The following UBQLN3 variants were observed in gnomAD, a reference collection of about 807,000 sequenced individuals.
UBQLN3 encodes ubiquilin-3.
UBQLN3 carries 1 observed loss-of-function variant against 2.9 expected under a neutral mutation model. The observed-to-expected ratio is 0.35, with a 90% CI of 0.12 to 1.66. The LOEUF is 1.66. Ranked by LOEUF, UBQLN3 falls within the 40% of genes most tolerant of loss-of-function variation. The probability of loss-of-function intolerance (pLI) is 0.35; values close to 1 mark genes in which losing one functional copy is unlikely to be tolerated. For synonymous variants in UBQLN3, 358 were observed against 317.6 expected (o/e 1.13, Z -1.35); for missense variants, 924 against 816.5 (o/e 1.13, Z -1.61).
Position 5,508,331 on chromosome 11 carries a change from G to C in UBQLN3, c.1228C>G (p.Pro410Ala). 1 of 1,609,308 alleles carries C rather than the reference G, an allele frequency of 6.2e-7. No individual in the cohort carries two copies. Among genetic ancestry groups the C allele is most frequent in the Middle Eastern group, 1.7e-4 (1 of 6,020 alleles). The change falls in exon 2 of 2, where the codon CCA (proline) becomes GCA (alanine). Residue 410 changes from proline (P) to alanine (A), a missense_variant. By Grantham distance (27) the Pro-to-Ala change is conservative (BLOSUM62 -1). Transcript: ENST00000311659. This position sits in a 1 kb window ranked among gnomAD's most constrained non-coding sequence, Gnocchi z 4.2. Reference protein sequence around the residue: ...SVAIKGRSSCPAFLRYPTENS... With the variant: ...SVAIKGRSSCAAFLRYPTENS... ...TCTGTGGGGTATCTCAGGAAAGCTG[G>C]GCAGGAGGACCTTCCCTTGATTGCT...
At chr11:5,509,688 A>G (rs999908820) in intron 1 of UBQLN3, 94 bp from the exon 2 acceptor site, 29 of 1,417,824 alleles carry the variant, frequency 2.0e-5, no homozygotes, top group Middle Eastern at 2.6e-4. Context: ...ATATCAGGAT[A>G]GGGAAATCTG....
chr11:5,507,700 A>AG lies in UBQLN3; in HGVS notation c.1858dup (p.Leu620ProfsTer13). On this transcript the variant is annotated frameshift_variant, in exon 2 of 2. Coordinates refer to ENST00000311659, the MANE Select transcript of UBQLN3 (RefSeq NM_017481.4). LOFTEE classifies it high-confidence loss of function. ...AAAGCCCATGGACCGCAGTTGCTCC[A>AG]GCTGCACCTGAAAGTGAGCCTCAGG... 1 of 1,614,098 alleles carries AG rather than the reference A, an allele frequency of 6.2e-7. No individual in the cohort carries two copies. The highest frequency in any genetic ancestry group is 8.5e-7 in the Non-Finnish European group (1 of 1,180,008).
rs766218337 is a variant in UBQLN3 at position 5,508,787 on chromosome 11, A to G, written c.772T>C (p.Tyr258His). 17 of 1,614,198 alleles carry G rather than the reference A, an allele frequency of 1.1e-5. No homozygotes were observed. Among genetic ancestry groups the G allele is most frequent in the Non-Finnish European group, 1.4e-5 (17 of 1,180,038 alleles). The change falls in exon 2 of 2, where the codon TAC becomes CAC. Residue 258 changes from tyrosine (Y) to histidine (H), a missense_variant. By Grantham distance (83) the Tyr-to-His change is moderately conservative. Coordinates refer to ENST00000311659, the MANE Select transcript of UBQLN3 (RefSeq NM_017481.4). The surrounding 1 kb of genome is among the most constrained non-coding windows in gnomAD (Gnocchi z 4.2). ...PGGYNVLCTM[Y>H]TDIMDPMLNA... ...AGCATTGGGTCCATAATATCTGTGTACATAGTGCAAAGCACATTGTAGCCA... is the reference window on the plus strand; with the variant it reads ...AGCATTGGGTCCATAATATCTGTGTGCATAGTGCAAAGCACATTGTAGCCA...
In UBQLN3 at chr11:5,507,817, G is replaced by A. The variant is rs1219144271; in HGVS notation, c.1742C>T (p.Pro581Leu). 2.5e-6 allele frequency: 4 copies of A among 1,613,888 alleles called. No individual in the cohort carries two copies. The highest frequency in any genetic ancestry group is 1.6e-4 in the Middle Eastern group (1 of 6,084). The part of the protein sequence containing the change: ...PLPNPPPEVF[P>L]ALDSAELGFL... ...GCCCAGCTCTGCAGAGTCCAGTGCT[G>A]GGAACACCTCAGGAGGTGGATTTGG... Residue 581 changes from proline (P) to leucine (L), a missense_variant, in exon 2 of 2, where the codon CCA becomes CTA. Pro to Leu is a moderately conservative substitution (Grantham distance 98). Transcript: ENST00000311659.
rs200265014 is a variant in UBQLN3, at chr11:5,509,089, A to G, written c.470T>C (p.Leu157Pro). ...AGGCACAGACACATGCTGCCGCATC[A>G]GGGAGCTTGGCTGGTCAGGGAAGCC... ...YRGFPDQPSS[L>P]MRQHVSVPEF... Residue 157 changes from leucine (L) to proline (P), a missense_variant, in exon 2 of 2, where the codon CTG (leucine) becomes CCG (proline). By Grantham distance (98) the Leu-to-Pro change is moderately conservative. Transcript: ENST00000311659. 1.9e-5 allele frequency: 30 copies of G among 1,614,162 alleles called. No individual in the cohort carries two copies. The African/African-American group carries it at 3.6e-4, about 19-fold the overall frequency.
Position 5,508,868 on chromosome 11 carries a change from G to C in UBQLN3, c.691C>G (p.Gln231Glu). 1.2e-6 allele frequency: 2 copies of C among 1,614,184 alleles called. No individual in the cohort carries two copies. The highest frequency in any genetic ancestry group is 1.7e-6 in the Non-Finnish European group (2 of 1,180,040). The change falls in exon 2 of 2, where the codon CAG (glutamine) becomes GAG (glutamate). Residue 231 changes from glutamine to glutamate, a missense_variant. Transcript: ENST00000311659. The surrounding 1 kb of genome is among the most constrained non-coding windows in gnomAD (Gnocchi z 4.2). ...LEFLRNPAMM[Q>E]EMIRSQDRVL... Reference sequence around the variant, plus strand: ...CGGTCCTGGCTACGTATCATCTCCTGCATCATGGCAGGGTTACGTAAAAAC... The same window carrying C: ...CGGTCCTGGCTACGTATCATCTCCTCCATCATGGCAGGGTTACGTAAAAAC...
rs761923420 is a variant in UBQLN3 at position 5,509,064 on chromosome 11, A to G, written c.495T>C (p.Pro165=). 4 of 1,614,054 alleles carry G rather than the reference A, an allele frequency of 2.5e-6. No homozygotes were observed. In the African/African-American group the frequency reaches 5.3e-5, roughly 22 times the overall value. ...SSLMRQHVSV[P]EFVTQLIDDP... is the part of the protein sequence containing the mutation. The stretch of plus-strand genomic sequence containing the variant: ...CATCAATGAGCTGAGTCACAAACTC[A>G]GGCACAGACACATGCTGCCGCATCA... The change falls in exon 2 of 2, where the codon CCT becomes CCC. Residue 165 remains proline, a synonymous_variant. Coordinates refer to ENST00000311659, the MANE Select transcript of UBQLN3 (RefSeq NM_017481.4).
rs750198195 is a variant in UBQLN3, at chr11:5,507,787, A to G, written c.1772T>C (p.Leu591Pro). The part of the protein sequence containing the change: ...PALDSAELGF[L>P]SPPFLHMLQD... ...CAGCATATGGAGAAAGGGAGGGGAA[A>G]GGAAGCCCAGCTCTGCAGAGTCCAG... Residue 591 changes from leucine (L) to proline (P), a missense_variant, in exon 2 of 2, where the codon CTT becomes CCT. By Grantham distance (98) the Leu-to-Pro change is moderately conservative. Coordinates refer to ENST00000311659, the MANE Select transcript of UBQLN3 (RefSeq NM_017481.4). 1 of 1,614,060 alleles carries G rather than the reference A, an allele frequency of 6.2e-7. No individual in the cohort carries two copies. The highest frequency in any genetic ancestry group is 2.2e-5 in the East Asian group (1 of 44,870).
chr11:5,507,618 A>G lies in UBQLN3; in HGVS notation c.1941T>C (p.Ala647=). The change falls in exon 2 of 2, where the codon GCT becomes GCC. Residue 647 remains alanine, a synonymous_variant. Coordinates refer to ENST00000311659, the MANE Select transcript of UBQLN3 (RefSeq NM_017481.4). The part of the protein sequence containing the change: ...ALIATGGDVD[A]AVEKLRQS ...ACGACTGTCTCAGCTTCTCCACAGCAGCATCCACGTCGCCCCCCGTAGCAA... is the reference window on the plus strand; with the variant it reads ...ACGACTGTCTCAGCTTCTCCACAGCGGCATCCACGTCGCCCCCCGTAGCAA... 6.2e-7 allele frequency: 1 copy of G among 1,611,864 alleles called. No individual in the cohort carries two copies.
In UBQLN3 at chr11:5,508,369, G is replaced by A. The variant is rs868733929; in HGVS notation, c.1190C>T (p.Pro397Leu). 1 of 1,604,414 alleles carries A rather than the reference G, an allele frequency of 6.2e-7. No homozygotes were observed. The highest frequency in any genetic ancestry group is 8.5e-7 in the Non-Finnish European group (1 of 1,174,786). Reference sequence around the variant, plus strand: ...TCCCTTGATTGCTACTGACTCCTCGGGGAGAGGCTGGCCTGACCCAGGCTC... The same window carrying A: ...TCCCTTGATTGCTACTGACTCCTCGAGGAGAGGCTGGCCTGACCCAGGCTC... ...SQEPGSGQPL[P>L]EESVAIKGRS... Residue 397 changes from proline (P) to leucine (L), a missense_variant, in exon 2 of 2, where the codon CCC (proline) becomes CTC (leucine). Transcript: ENST00000311659. This position sits in a 1 kb window ranked among gnomAD's most constrained non-coding sequence, Gnocchi z 4.2.
At position 5,509,550 on chromosome 11, in the gene UBQLN3, T is replaced by G. The variant is rs2133827002; in HGVS notation, c.9A>C (p.Lys3Asn). MA[K>N]GGEALPQGSP... ...TGCCCTGTGGCAGGGCTTCTCCACC[T>G]TTGGCCATGGTGGCAGCAGGAGGCC... Residue 3 changes from lysine (K) to asparagine (N), a missense_variant, in exon 2 of 2, where the codon AAA becomes AAC. Physicochemically the swap from Lys to Asn is moderately conservative, Grantham distance 94. Transcript: ENST00000311659. 1 of 1,612,732 alleles carries G rather than the reference T, an allele frequency of 6.2e-7. No homozygotes were observed. Among genetic ancestry groups the G allele is most frequent in the South Asian group, 1.1e-5 (1 of 90,908 alleles).
rs1482438467 is a variant in UBQLN3 at position 5,508,314 on chromosome 11, G to C, written c.1245C>G (p.Tyr415Ter). The change falls in exon 2 of 2, where the codon TAC (tyrosine) becomes TAG (stop). Residue 415 changes from tyrosine (Y) to a stop codon, truncating the protein, a stop_gained. Coordinates refer to ENST00000311659, the MANE Select transcript of UBQLN3 (RefSeq NM_017481.4). LOFTEE classifies it low-confidence loss of function (END_TRUNC). This position sits in a 1 kb window ranked among gnomAD's most constrained non-coding sequence, Gnocchi z 4.2. ...GRSSCPAFLR[Y>*]PTENSTGQGG... ...CTTGTCCAGTACTGTTCTCTGTGGGGTATCTCAGGAAAGCTGGGCAGGAGG... is the reference window on the plus strand; with the variant it reads ...CTTGTCCAGTACTGTTCTCTGTGGGCTATCTCAGGAAAGCTGGGCAGGAGG... The C allele has an allele frequency of 6.2e-7, 1 of 1,610,686 alleles. No homozygotes were observed. Among genetic ancestry groups the C allele is most frequent in the African/African-American group, 1.3e-5 (1 of 74,768 alleles).
Position 5,509,224 on chromosome 11 carries a change from G to C in UBQLN3, c.335C>G (p.Pro112Arg). ...CPAASVPTQG[P>R]SPGSLPQPSS... ...TGGCTGAGGGAGTGATCCAGGACTT[G>C]GGCCCTGGGTAGGGACAGAGGCAGC... is the stretch of plus-strand genomic sequence containing the variant. The change falls in exon 2 of 2, where the codon CCA becomes CGA. Residue 112 changes from proline (P) to arginine (R), a missense_variant. Physicochemically the swap from Pro to Arg is moderately radical, Grantham distance 103. Coordinates refer to ENST00000311659, the MANE Select transcript of UBQLN3 (RefSeq NM_017481.4). 1 of 1,614,156 alleles carries C rather than the reference G, an allele frequency of 6.2e-7. No individual in the cohort carries two copies.
chr11:5,507,342 T>C lies in UBQLN3; in HGVS notation c.*249A>G, dbSNP rs1252977466. On this transcript the variant is annotated 3_prime_UTR_variant, in exon 2 of 2. Coordinates refer to ENST00000311659, the MANE Select transcript of UBQLN3 (RefSeq NM_017481.4). ...GTGTAATTGCATCTCAAGATAGGCA[T>C]AAGCAGAGCTTAGACTGGGGCCCCC... The C allele has an allele frequency of 1.6e-5, 8 of 507,286 alleles. No individual in the cohort carries two copies. Among genetic ancestry groups the C allele is most frequent in the Non-Finnish European group, 2.3e-5 (7 of 306,984 alleles). The allele number at this position is 507,286 out of a possible 1,614,324, so 31.4% of individuals were successfully genotyped here. A position where few individuals can be genotyped will look rare whatever the true frequency, so the allele number is the denominator to read the frequency against.
Position 5,508,849 on chromosome 11 carries a change from T to C in UBQLN3, c.710A>G (p.Gln237Arg). 12 of 1,614,234 alleles carry C rather than the reference T, an allele frequency of 7.4e-6. No homozygotes were observed. Among genetic ancestry groups the C allele is most frequent in the Non-Finnish European group, 1.0e-5 (12 of 1,180,050 alleles). ...CTCCAAGTTACTGAGCACCCGGTCC[T>C]GGCTACGTATCATCTCCTGCATCAT... is the stretch of plus-strand genomic sequence containing the variant. ...PAMMQEMIRSQDRVLSNLESI... is the reference protein window; with the variant it reads ...PAMMQEMIRSRDRVLSNLESI... The change falls in exon 2 of 2, where the codon CAG becomes CGG. Residue 237 changes from glutamine to arginine, a missense_variant. Gln to Arg is a conservative substitution (Grantham distance 43). Transcript: ENST00000311659. This position sits in a 1 kb window ranked among gnomAD's most constrained non-coding sequence, Gnocchi z 4.2.
At position 5,509,384 on chromosome 11, in the gene UBQLN3, CG is replaced by C. The variant is rs1564838180; in HGVS notation, c.174del (p.Asp59IlefsTer5). On this transcript the variant is annotated frameshift_variant, in exon 2 of 2. Coordinates refer to ENST00000311659, the MANE Select transcript of UBQLN3 (RefSeq NM_017481.4). LOFTEE classifies it low-confidence loss of function (END_TRUNC). ...CCAGCAAAGATTAGAACAAGCTGAT[CG>C]GGGTGGGCCTTAAAGCGCTGAGATA... The part of the protein sequence containing the change: ...EEISQRFKAH[P>X]DQLVLIFAGK... The C allele has an allele frequency of 1.9e-6, 3 of 1,614,120 alleles. No homozygotes were observed. The highest frequency in any genetic ancestry group is 2.5e-6 in the Non-Finnish European group (3 of 1,180,002).
rs762531568 is a variant in UBQLN3 at position 5,509,267 on chromosome 11, T to A, written c.292A>T (p.Met98Leu). Residue 98 changes from methionine (M) to leucine (L), a missense_variant, in exon 2 of 2, where the codon ATG (methionine) becomes TTG (leucine). Transcript: ENST00000311659. ...GAGGCAGCTGGGCACTCATTGCCCA[T>A]GGCACGGTGCTGCCTCTTGATGACC... ...HLVIKRQHRA[M>L]GNECPAASVP... 10 of 1,614,040 alleles carry A rather than the reference T, an allele frequency of 6.2e-6. No homozygotes were observed. The highest frequency in any genetic ancestry group is 2.7e-5 in the African/African-American group (2 of 74,930).
At position 5,508,301 on chromosome 11, in the gene UBQLN3, T is replaced by TG. The variant is rs766617498; in HGVS notation, c.1257dup (p.Ser420GlnfsTer19). ...TCTTGGTCTCCACCTTGTCCAGTAC[T>TG]GTTCTCTGTGGGGTATCTCAGGAAA... On this transcript the variant is annotated frameshift_variant, in exon 2 of 2. Coordinates refer to ENST00000311659, the MANE Select transcript of UBQLN3 (RefSeq NM_017481.4). LOFTEE classifies it low-confidence loss of function (END_TRUNC). The surrounding 1 kb of genome is among the most constrained non-coding windows in gnomAD (Gnocchi z 4.2). 3.1e-6 allele frequency: 5 copies of TG among 1,613,038 alleles called. No homozygotes were observed. The highest frequency in any genetic ancestry group is 4.2e-6 in the Non-Finnish European group (5 of 1,179,198).
At position 5,508,102 on chromosome 11, in the gene UBQLN3, A is replaced by G. The variant is rs748830702; in HGVS notation, c.1457T>C (p.Leu486Pro). 8 of 1,614,082 alleles carry G rather than the reference A, an allele frequency of 5.0e-6. No homozygotes were observed. Among genetic ancestry groups the G allele is most frequent in the Non-Finnish European group, 6.8e-6 (8 of 1,180,050 alleles). ...AGCTGGATTCATGCCATCTGGCCTC[A>G]GAGATCTTGGATAAGCCGGGGATGG... is the stretch of plus-strand genomic sequence containing the variant. ...WLPSPAYPRS[L>P]RPDGMNPAPQ... The change falls in exon 2 of 2, where the codon CTG becomes CCG. Residue 486 changes from leucine to proline, a missense_variant. Coordinates refer to ENST00000311659, the MANE Select transcript of UBQLN3 (RefSeq NM_017481.4). This position sits in a 1 kb window ranked among gnomAD's most constrained non-coding sequence, Gnocchi z 4.2.
Sources: gnomAD v4.1 joint callset for allele counts on GRCh38, gnomAD v4.1.1 for gene constraint, Gnocchi (gnomAD v3.1) non-coding constraint, MANE v1.5 for transcripts, NCBI Gene and HGNC (gene_info 2026-07-23, HGNC 2026-07-21) for gene names.